CNTN5: variants seen among roughly 807,000 people sequenced by gnomAD.
CNTN5 encodes the protein contactin 5.
A neutral mutation model predicts 129.1 loss-of-function variants in CNTN5; 77 were observed. That is an observed-to-expected ratio of 0.60 (90% confidence interval 0.50 to 0.72). The LOEUF (loss-of-function observed/expected upper bound fraction) is 0.72. Among genes scored for constraint, CNTN5 ranks in the 30% least tolerant of loss-of-function variants. The pLI, the probability that CNTN5 is intolerant of heterozygous loss-of-function variation, is 0.00. For synonymous variants in CNTN5, 509 were observed against 465.6 expected (o/e 1.09, Z -1.20); for missense variants, 1,478 against 1,328.8 (o/e 1.11, Z -1.75).
intron 1 of CNTN5, among the ~76,000 whole-genome samples, chr11:99,070,759 A>C (rs995184943): frequency 4.0e-5 from 6 of 151,776 alleles, no homozygotes; most frequent in African/African-American, 1.5e-4. Context: ...AGTGGACCTC[A>C]CTCAGATAAT....
chr11:99,031,792 T>C (rs1344800128), intron 1 of CNTN5, among the ~76,000 whole-genome samples: 2 of 151,858 alleles, frequency 1.3e-5, no homozygotes, highest in Non-Finnish European at 2.9e-5. Flanking sequence ...ATACTTTAAG[T>C]TTTAGGGTAC....
intron 13 of CNTN5, among the ~76,000 whole-genome samples, chr11:100,102,320 T>C (rs1205962803): frequency 6.6e-6 from 1 of 152,078 alleles, no homozygotes; most frequent in Admixed American, 6.6e-5. Context: ...ATAATTGTGA[T>C]GTTGAACATT....
At chr11:99,719,182 G>C (rs1943084635) in intron 3 of CNTN5, among the ~76,000 whole-genome samples, 1 of 151,938 alleles carries the variant, frequency 6.6e-6, no homozygotes, top group Non-Finnish European at 1.5e-5. Flanking sequence ...AGCTGGGTGT[G>C]GTGGCACACA....
rs1465475040 is a variant in CNTN5, at chr11:100,035,821, T to TGTA, written c.981-25391_981-25390insGTA. ...TTGCCCACTTTTTGATGGGGTTGTT[T>TGTA]TTTTCTTGTAAATTTGTTTGAGTTC... On this transcript the variant is annotated intron_variant, in intron 9 of 24. Transcript: ENST00000524871. 9.9e-5 allele frequency among the ~76,000 whole-genome samples: 15 copies of TGTA among 152,198 alleles called. No individual in the cohort carries two copies. In the East Asian group the frequency reaches 2.9e-3, roughly 29 times the overall value.
intron 1 of CNTN5, among the ~76,000 whole-genome samples, chr11:99,133,468 C>T (rs778820378): frequency 2.6e-5 from 4 of 151,836 alleles, no homozygotes; most frequent in African/African-American, 7.3e-5. Flanking sequence ...GGCAAACAGA[C>T]AACCTACAGA....
intron 9 of CNTN5, among the ~76,000 whole-genome samples, chr11:100,045,832 G>A (rs1200414281): frequency 1.3e-5 from 2 of 151,848 alleles, no homozygotes; most frequent in Non-Finnish European, 2.9e-5. Flanking sequence ...AAATTTAAAT[G>A]TTAAAATAAG....
chr11:99,172,740 C>T (rs1481824859), intron 1 of CNTN5, among the ~76,000 whole-genome samples: 1 of 152,194 alleles, frequency 6.6e-6, no homozygotes, highest in African/African-American at 2.4e-5. Flanking sequence ...GGACACTTAA[C>T]AGAGAAATCT....
chr11:100,113,470 AAAAG>A (rs1347498308), intron 13 of CNTN5, among the ~76,000 whole-genome samples: 8 of 149,664 alleles, frequency 5.3e-5, no homozygotes, highest in East Asian at 3.9e-4. Context: ...AGAAAAAAGA[AAAAG>A]AAAGAAAAAG....
chr11:100,301,366 A>G (rs950269622), intron 20 of CNTN5, among the ~76,000 whole-genome samples: 1 of 151,448 alleles, frequency 6.6e-6, no homozygotes, highest in Non-Finnish European at 1.5e-5. Context: ...GTTTTTTTAC[A>G]TTGTGTTTTC....
At chr11:99,292,658 T>A (rs1490871234) in intron 1 of CNTN5, among the ~76,000 whole-genome samples, 1 of 152,082 alleles carries the variant, frequency 6.6e-6, no homozygotes, top group Non-Finnish European at 1.5e-5. Context: ...TAAATTTTAT[T>A]TTTTTATTTT....
At chr11:100,093,888 A>G (rs997869300) in intron 13 of CNTN5, among the ~76,000 whole-genome samples, 8 of 152,130 alleles carry the variant, frequency 5.3e-5, no homozygotes, top group African/African-American at 1.9e-4. Flanking sequence ...AGGCAGAAGG[A>G]GCAAACACAG....
In CNTN5 at chr11:99,108,780, G is replaced by T. The variant is rs540234869; in HGVS notation, c.-210+87510G>T. On this transcript the variant is annotated intron_variant, in intron 1 of 24. Transcript: ENST00000524871. ...GGAAAAAATCAGAAATATAGATTTT[G>T]TGTTGAATTAATGGGAAATGGAAGT... 9.9e-5 allele frequency among the ~76,000 whole-genome samples: 15 copies of T among 152,036 alleles called. No individual in the cohort carries two copies. The South Asian group carries it at 2.1e-3, about 21-fold the overall frequency.
At chr11:99,972,085 T>TAAA (rs71050038) in intron 8 of CNTN5, among the ~76,000 whole-genome samples, 8,850 of 92,000 alleles carry the variant, frequency 0.096, 780 homozygotes, top group Non-Finnish European at 0.12. Flanking sequence ...TTATCTCTAT[T>TAAA]AAAAAAAAAA....
At chr11:99,137,870 T>C (rs1859312959) in intron 1 of CNTN5, among the ~76,000 whole-genome samples, 1 of 152,130 alleles carries the variant, frequency 6.6e-6, no homozygotes, top group Non-Finnish European at 1.5e-5. Flanking sequence ...CCTGCAAGTT[T>C]AACATTAACA....
At chr11:99,166,948 C>A (rs36033304) in intron 1 of CNTN5, among the ~76,000 whole-genome samples, 27 of 152,060 alleles carry the variant, frequency 1.8e-4, no homozygotes, top group Non-Finnish European at 3.1e-4. Flanking sequence ...ACATTATCCA[C>A]TACATTTTTG....
intron 8 of CNTN5, among the ~76,000 whole-genome samples, chr11:99,983,579 T>C (rs1938486082): frequency 6.6e-6 from 1 of 152,146 alleles, no homozygotes; most frequent in South Asian, 2.1e-4. Flanking sequence ...AAAACTCTAG[T>C]AGTAGTAGGA....
intron 13 of CNTN5, among the ~76,000 whole-genome samples, chr11:100,169,393 A>AT (rs1348457223): frequency 1.3e-5 from 2 of 152,050 alleles, no homozygotes; most frequent in East Asian, 3.9e-4. Context: ...TGGACAAGCC[A>AT]TTTAATATTT....
chr11:99,520,686 T>C (rs1947244460), intron 2 of CNTN5, among the ~76,000 whole-genome samples: 1 of 151,892 alleles, frequency 6.6e-6, no homozygotes, highest in African/African-American at 2.4e-5. Context: ...AAGGTAGGAG[T>C]GTTAGTACAT....
rs1258672042 is a variant in CNTN5 at position 99,606,619 on chromosome 11, A to G, written c.55+50350A>G. On this transcript the variant is annotated intron_variant, in intron 3 of 24. Transcript: ENST00000524871. ...CTACTTTAAAGTTCATATGGAACCA[A>G]AAAAGAGCCCGCATCACCAAGTCAA... 5.5e-4 allele frequency among the ~76,000 whole-genome samples: 76 copies of G among 137,880 alleles called. 1 individual carries two copies. In the East Asian group the frequency reaches 0.013, roughly 24 times the overall value. 90.5% of individuals were successfully genotyped at this position (137,880 alleles called of 152,430 possible).
Sources: gnomAD v4.1 joint callset for allele counts (sites outside exome capture counted in the v4.1 genomes callset) on GRCh38, gnomAD v4.1.1 for gene constraint, MANE v1.5 for transcripts, NCBI Gene and HGNC (gene_info 2026-07-23, HGNC 2026-07-21) for gene names.